Variants in FAM124A observed in about 807,000 individuals in gnomAD.
The protein encoded by FAM124A is protein FAM124A.
FAM124A carries 23 observed loss-of-function variants against 24.5 expected under a neutral mutation model. That is an observed-to-expected ratio of 0.94 (90% CI 0.68 to 1.33). The LOEUF is 1.33. FAM124A is among the 40% of genes most tolerant of loss of function. The pLI, the probability that FAM124A is intolerant of heterozygous loss-of-function variation, is 0.00. For synonymous variants in FAM124A, 287 were observed against 314.7 expected, an observed-to-expected ratio of 0.91 and a Z score of 0.93; for missense variants, 623 against 722.8, an observed-to-expected ratio of 0.86 and a Z score of 1.58.
At position 51,272,564 on chromosome 13, in the gene FAM124A, T is replaced by TAC. The variant is rs1428228310; in HGVS notation, c.835-7885_835-7884insCA. Among the ~76,000 whole-genome samples the TAC allele has an allele frequency of 1.4e-5, 1 of 74,070 alleles. No homozygotes were observed. Among genetic ancestry groups the TAC allele is most frequent in the Non-Finnish European group, 2.6e-5 (1 of 38,790 alleles). The allele number at this position is 74,070 out of a possible 152,430, so 48.6% of individuals were successfully genotyped here. On this transcript the variant is annotated intron_variant, in intron 3 of 3. Transcript: ENST00000322475. This position sits in a 1 kb window ranked among gnomAD's most constrained non-coding sequence, Gnocchi z 4.2. ...CCACCTATTTTTGTAAATAAAGCCT[T>TAC]ATACACACACACACACACACACACA...
chr13:51,235,554 T>C (rs974779802), intron 2 of FAM124A, among the ~76,000 whole-genome samples: 1 of 152,182 alleles, frequency 6.6e-6, no homozygotes, highest in Non-Finnish European at 1.5e-5. Context: ...TTTGAAGATA[T>C]CTAGCCCCAG....
intron 2 of FAM124A, among the ~76,000 whole-genome samples, chr13:51,250,727 T>TA (rs1954611255): frequency 1.3e-5 from 2 of 152,210 alleles, no homozygotes; most frequent in South Asian, 4.1e-4. Context: ...TCAGCCCCAG[T>TA]AAGCTCCAAC....
intron 2 of FAM124A, 45 bp downstream of exon 2, chr13:51,231,424 G>A (rs757748856): frequency 2.2e-5 from 35 of 1,605,910 alleles, no homozygotes; most frequent in Middle Eastern, 3.3e-4. Flanking sequence ...AACGGTCCCC[G>A]GAGAGGTCAG....
chr13:51,267,603 A>AT (rs200152398), intron 3 of FAM124A, among the ~76,000 whole-genome samples: 25 of 149,302 alleles, frequency 1.7e-4, no homozygotes, highest in Non-Finnish European at 2.1e-4. Flanking sequence ...TGTAAATAAG[A>AT]TTTTTTTTTT....
Position 51,272,055 on chromosome 13 carries a change from AT to A in FAM124A, c.835-8393del, listed in dbSNP as rs1954844997. ...GGGCTCACTTTTCTCTGAATTAGTGATTGGAGTCTAGGCCAAAAAGCAAGAA... is the reference window on the plus strand; with the variant it reads ...GGGCTCACTTTTCTCTGAATTAGTGATGGAGTCTAGGCCAAAAAGCAAGAA... On this transcript the variant is annotated intron_variant, in intron 3 of 3. Transcript: ENST00000322475. The surrounding 1 kb of genome is among the most constrained non-coding windows in gnomAD (Gnocchi z 4.2). 6.6e-6 allele frequency among the ~76,000 whole-genome samples: 1 copy of A among 152,172 alleles called. No homozygotes were observed. The highest frequency in any genetic ancestry group is 6.5e-5 in the Admixed American group (1 of 15,274).
At chr13:51,270,356 T>C (rs1236936470) in intron 3 of FAM124A, among the ~76,000 whole-genome samples, 1 of 152,248 alleles carries the variant, frequency 6.6e-6, no homozygotes, top group Non-Finnish European at 1.5e-5. Flanking sequence ...TATAAAGTTG[T>C]CCTGTCTTTA....
rs1222176628 is a variant in FAM124A at position 51,258,474 on chromosome 13, C to T, written c.834+6273C>T. Among the ~76,000 whole-genome samples, 1 of 152,100 alleles carries T rather than the reference C, an allele frequency of 6.6e-6. No individual in the cohort carries two copies. Among genetic ancestry groups the T allele is most frequent in the Non-Finnish European group, 1.5e-5 (1 of 68,014 alleles). On this transcript the variant is annotated intron_variant, in intron 3 of 3. Coordinates refer to ENST00000322475, the MANE Select transcript of FAM124A (RefSeq NM_001242312.2). This position sits in a 1 kb window ranked among gnomAD's most constrained non-coding sequence, Gnocchi z 4.2. Reference sequence around the variant, plus strand: ...GCCATCTGGGATCTCTCGTGGGTCTCCGAACCCTCTTCAGACTCTAATGTC... The same window carrying T: ...GCCATCTGGGATCTCTCGTGGGTCTTCGAACCCTCTTCAGACTCTAATGTC...
At chr13:51,247,325 A>C (rs1954574749) in intron 2 of FAM124A, among the ~76,000 whole-genome samples, 1 of 152,198 alleles carries the variant, frequency 6.6e-6, no homozygotes, top group South Asian at 2.1e-4. Context: ...CGGATACTGG[A>C]GCTAGTGCTC....
intron 3 of FAM124A, among the ~76,000 whole-genome samples, chr13:51,255,779 A>AG (rs1954669150): frequency 1.3e-5 from 2 of 152,218 alleles, no homozygotes; most frequent in African/African-American, 4.8e-5. Context: ...GCTGCTGCAC[A>AG]GGGGGAGGCT....
At chr13:51,245,298 CT>C in intron 2 of FAM124A, 2 of 648,732 alleles carry the variant, frequency 3.1e-6, no homozygotes. Flanking sequence ...CCACTTTAAT[CT>C]TTTATTATGC....
rs1018030393 is a variant in FAM124A, at chr13:51,251,026, G to A, written c.101-442G>A. Among the ~76,000 whole-genome samples the A allele has an allele frequency of 2.6e-5, 4 of 152,192 alleles. No individual in the cohort carries two copies. The highest frequency in any genetic ancestry group is 9.7e-5 in the African/African-American group (4 of 41,442). ...CAAACCAGAGGAGTGCGTTTGTGTAGGGAACATGTATGGGGCAAGGCCCTG... is the reference window on the plus strand; with the variant it reads ...CAAACCAGAGGAGTGCGTTTGTGTAAGGAACATGTATGGGGCAAGGCCCTG... On this transcript the variant is annotated intron_variant, in intron 2 of 3. Coordinates refer to ENST00000322475, the MANE Select transcript of FAM124A (RefSeq NM_001242312.2). This position sits in a 1 kb window ranked among gnomAD's most constrained non-coding sequence, Gnocchi z 5.3.
At chr13:51,260,405 C>T (rs1954723125) in intron 3 of FAM124A, among the ~76,000 whole-genome samples, 1 of 152,192 alleles carries the variant, frequency 6.6e-6, no homozygotes, top group African/African-American at 2.4e-5. Flanking sequence ...CTTCTTGCTG[C>T]CAGAAGTGGT....
At chr13:51,273,569 G>A (rs1389111694) in intron 3 of FAM124A, among the ~76,000 whole-genome samples, 3 of 150,592 alleles carry the variant, frequency 2.0e-5, no homozygotes, top group South Asian at 2.2e-4. Flanking sequence ...CATTGCGTTG[G>A]CTTAATTTTT....
At chr13:51,269,770 G>A (rs1028159157) in intron 3 of FAM124A, among the ~76,000 whole-genome samples, 1 of 152,184 alleles carries the variant, frequency 6.6e-6, no homozygotes, top group Non-Finnish European at 1.5e-5. Flanking sequence ...CTTGAAATTG[G>A]TAACTTTAAT....
chr13:51,236,835 A>AGAG (rs1320205638), intron 2 of FAM124A, among the ~76,000 whole-genome samples: 1 of 147,078 alleles, frequency 6.8e-6, no homozygotes, highest in Non-Finnish European at 1.5e-5. Context: ...CCATTTGTAA[A>AGAG]TGTTAGAGTC....
At chr13:51,226,980 G>A (rs184131177) in intron 1 of FAM124A, among the ~76,000 whole-genome samples, 165 of 152,250 alleles carry the variant, frequency 1.1e-3, no homozygotes, top group African/African-American at 3.8e-3. Context: ...TATATTTAAA[G>A]CCCCTAGAAC....
chr13:51,258,766 G>T lies in FAM124A; in HGVS notation c.834+6565G>T, dbSNP rs1954700980. On this transcript the variant is annotated intron_variant, in intron 3 of 3. Coordinates refer to ENST00000322475, the MANE Select transcript of FAM124A (RefSeq NM_001242312.2). This position sits in a 1 kb window ranked among gnomAD's most constrained non-coding sequence, Gnocchi z 4.2. ...TTCCCTAGCAGAGTCACTGAGACCT[G>T]TGGGAAGAATGCCTCTGGCGTGCCC... is the stretch of plus-strand genomic sequence containing the variant. 6.6e-6 allele frequency among the ~76,000 whole-genome samples: 1 copy of T among 152,206 alleles called. No homozygotes were observed. Among genetic ancestry groups the T allele is most frequent in the South Asian group, 2.1e-4 (1 of 4,830 alleles).
chr13:51,225,976 C>CTT (rs780570797), intron 1 of FAM124A, among the ~76,000 whole-genome samples: 987 of 67,550 alleles, frequency 0.015, 102 homozygotes, highest in African/African-American at 0.034. Flanking sequence ...TGCTTGCTTT[C>CTT]TTTTTTTTTT....
At chr13:51,226,166 T>A (rs1310177849) in intron 1 of FAM124A, among the ~76,000 whole-genome samples, 1 of 151,424 alleles carries the variant, frequency 6.6e-6, no homozygotes, top group Non-Finnish European at 1.5e-5. Context: ...GCCCAGCTAA[T>A]TTTTTTATTT....
Sources: allele counts gnomAD v4.1 joint callset (sites outside exome capture counted in the v4.1 genomes callset), GRCh38; gene constraint gnomAD v4.1.1; non-coding constraint Gnocchi (gnomAD v3.1); transcripts MANE v1.5; gene names NCBI Gene and HGNC (gene_info 2026-07-23, HGNC 2026-07-21).